The following CPNE4 variants were observed in gnomAD, a reference collection of about 807,000 sequenced individuals.
The protein encoded by CPNE4 is copine 4, also known as copine-4.
In CPNE4, 25 loss-of-function variants were observed where a neutral mutation model predicts 67.9. That is an observed-to-expected ratio of 0.37 (90% CI 0.27 to 0.51). The LOEUF (loss-of-function observed/expected upper bound fraction) is 0.51. CPNE4 is among the 20% of genes least tolerant of loss of function. The pLI, the probability that CPNE4 is intolerant of heterozygous loss-of-function variation, is 0.93. For synonymous variants in CPNE4, 242 were observed against 244.9 expected (o/e 0.99, Z 0.11); for missense variants, 464 against 690.8 (o/e 0.67, Z 3.68).
chr3:131,727,006 C>A (rs2082016148), intron 2 of CPNE4, among the ~76,000 whole-genome samples: 1 of 152,206 alleles, frequency 6.6e-6, no homozygotes, highest in Non-Finnish European at 1.5e-5. Context: ...GATAAATTCA[C>A]ATTGCTTTAT....
intron 8 of CPNE4, among the ~76,000 whole-genome samples, chr3:131,585,283 G>T (rs1411561316): frequency 6.6e-6 from 1 of 152,178 alleles, no homozygotes; most frequent in Non-Finnish European, 1.5e-5. Flanking sequence ...GTAAGCTTCA[G>T]AAGGGCAGGG....
At chr3:131,799,915 TGTGTTGTG>T (rs1186819541) in intron 2 of CPNE4, among the ~76,000 whole-genome samples, 4 of 60,968 alleles carry the variant, frequency 6.6e-5, no homozygotes, top group East Asian at 6.5e-4. Context: ...TGTGTGTGTG[TGTGTTGTG>T]TGTGTGTGTG....
At position 131,792,033 on chromosome 3, in the gene CPNE4, A is replaced by G. The variant is rs74576877; in HGVS notation, c.181-68408T>C. 4.6e-5 allele frequency among the ~76,000 whole-genome samples: 7 copies of G among 152,274 alleles called. No homozygotes were observed. The East Asian group carries it at 1.4e-3, about 29-fold the overall frequency. On this transcript the variant is annotated intron_variant, in intron 2 of 15. Transcript: ENST00000429747. ...CAGAATTTAAGGAAACTAGGACCAG[A>G]AAATGCCTATGTATTTCCTGGCAGA...
At chr3:131,807,093 G>A (rs1017783473) in intron 2 of CPNE4, among the ~76,000 whole-genome samples, 4 of 152,164 alleles carry the variant, frequency 2.6e-5, no homozygotes, top group Admixed American at 6.5e-5. Context: ...TAGAGATCAG[G>A]AACCAGTATT....
chr3:131,572,203 T>A (rs1937371595), intron 10 of CPNE4, among the ~76,000 whole-genome samples: 1 of 152,018 alleles, frequency 6.6e-6, no homozygotes, highest in Admixed American at 6.6e-5. Context: ...TTATATTTTG[T>A]ATTGGTCAGA....
At chr3:131,557,173 G>A (rs965161313) in intron 11 of CPNE4, among the ~76,000 whole-genome samples, 1 of 152,116 alleles carries the variant, frequency 6.6e-6, no homozygotes, top group African/African-American at 2.4e-5. Context: ...GTGCTGTCGG[G>A]TGGCTGTCGC....
At chr3:131,840,359 C>T (rs12638875) in intron 2 of CPNE4, among the ~76,000 whole-genome samples, 11,337 of 152,236 alleles carry the variant, frequency 0.074, 572 homozygotes, top group East Asian at 0.17. Flanking sequence ...GCTCAGTTAA[C>T]AAATATGTTG....
intron 3 of CPNE4, among the ~76,000 whole-genome samples, chr3:131,717,358 G>A (rs943770812): frequency 4.6e-5 from 7 of 151,494 alleles, no homozygotes; most frequent in Admixed American, 2.0e-4. Flanking sequence ...TATATGGCAC[G>A]TTCAAAAAAT....
intron 1 of CPNE4, among the ~76,000 whole-genome samples, chr3:132,021,259 A>G (rs2073989980): frequency 6.6e-6 from 1 of 152,358 alleles, no homozygotes; most frequent in Admixed American, 6.5e-5. Context: ...ACCATAAGTC[A>G]TTCATCTAGA....
intron 1 of CPNE4, among the ~76,000 whole-genome samples, chr3:132,018,641 T>C (rs2073934618): frequency 6.6e-6 from 1 of 152,194 alleles, no homozygotes; most frequent in Admixed American, 6.5e-5. Flanking sequence ...AACACTTCAT[T>C]AAGCACATTT....
chr3:131,758,144 C>T (rs774375327), intron 2 of CPNE4, among the ~76,000 whole-genome samples: 23 of 152,238 alleles, frequency 1.5e-4, no homozygotes, highest in Middle Eastern at 3.4e-3. Flanking sequence ...CACTGTCCTC[C>T]GGACCCCAGA....
chr3:131,733,701 T>C lies in CPNE4; in HGVS notation c.181-10076A>G, dbSNP rs149013705. Among the ~76,000 whole-genome samples the C allele has an allele frequency of 2.9e-3, 436 of 152,344 alleles. 1 individual carries two copies. Among genetic ancestry groups the C allele is most frequent in the South Asian group, 0.015 (73 of 4,830 alleles). The stretch of plus-strand genomic sequence containing the variant: ...TGTCAGATCCTCAGTTTATAGAAGC[T>C]AGGAGTCTAATCCCACACAAGTGTA... On this transcript the variant is annotated intron_variant, in intron 2 of 15. Transcript: ENST00000429747.
intron 10 of CPNE4, among the ~76,000 whole-genome samples, chr3:131,569,267 T>TA (rs1247641485): frequency 1.3e-5 from 2 of 151,988 alleles, no homozygotes; most frequent in Non-Finnish European, 2.9e-5. Context: ...ATCTGGGATG[T>TA]AAAATAAAGA....
chr3:132,007,594 T>C (rs781589670), intron 1 of CPNE4, among the ~76,000 whole-genome samples: 1 of 152,156 alleles, frequency 6.6e-6, no homozygotes, highest in African/African-American at 2.4e-5. Flanking sequence ...AGTTGTGCCA[T>C]GTGAAACCTG....
chr3:131,626,502 T>C (rs55866047), intron 7 of CPNE4, among the ~76,000 whole-genome samples: 41,686 of 151,892 alleles, frequency 0.27, 9,405 homozygotes, highest in African/African-American at 0.63. Flanking sequence ...GAGTAAGTCC[T>C]TAATTCTCTT....
At chr3:131,776,023 C>A (rs2083282115) in intron 2 of CPNE4, among the ~76,000 whole-genome samples, 1 of 152,154 alleles carries the variant, frequency 6.6e-6, no homozygotes, top group African/African-American at 2.4e-5. Context: ...CAGTTACTCT[C>A]ACATTCAGGC....
chr3:131,851,470 A>G (rs992343132), intron 2 of CPNE4, among the ~76,000 whole-genome samples: 3 of 152,178 alleles, frequency 2.0e-5, no homozygotes, highest in South Asian at 4.1e-4. Context: ...TACCCTCCAA[A>G]TGAATCATAC....
In CPNE4 at chr3:131,566,096, C is replaced by T. The variant is rs558230911; in HGVS notation, c.928-1747G>A. The stretch of plus-strand genomic sequence containing the variant: ...TTTTTCCATTACGCCATCATACATC[C>T]AGGAGAACATGTATGTCTATGACCA... On this transcript the variant is annotated intron_variant, in intron 10 of 15. Coordinates refer to ENST00000429747, the MANE Select transcript of CPNE4 (RefSeq NM_130808.3). 2.6e-5 allele frequency among the ~76,000 whole-genome samples: 4 copies of T among 151,888 alleles called. No individual in the cohort carries two copies. In the South Asian group the frequency reaches 6.2e-4, roughly 24 times the overall value.
intron 2 of CPNE4, among the ~76,000 whole-genome samples, chr3:131,849,118 T>G (rs1432955630): frequency 6.6e-6 from 1 of 152,110 alleles, no homozygotes; most frequent in Non-Finnish European, 1.5e-5. Context: ...TTTTTCACCC[T>G]TTCTGAATTA....
Sources: gnomAD v4.1 joint callset for allele counts (sites outside exome capture counted in the v4.1 genomes callset) on GRCh38, gnomAD v4.1.1 for gene constraint, MANE v1.5 for transcripts, NCBI Gene and HGNC (gene_info 2026-07-23, HGNC 2026-07-21) for gene names.